Variants in DAB1 observed in about 807,000 individuals in gnomAD.
The protein encoded by DAB1 is disabled homolog 1.
A neutral mutation model predicts 64.6 loss-of-function variants in DAB1; 15 were observed. That is an observed-to-expected ratio of 0.23 (90% CI 0.16 to 0.36). The LOEUF is 0.36. Among genes scored for constraint, DAB1 ranks in the 10% least tolerant of loss-of-function variants. DAB1 has a pLI of 1.00. For synonymous variants in DAB1, 235 were observed against 251.9 expected (o/e 0.93, Z 0.64); for missense variants, 596 against 706.7 (o/e 0.84, Z 1.78).
intron 7 of DAB1, among the ~76,000 whole-genome samples, chr1:57,549,524 C>G (rs1188732509): frequency 6.6e-6 from 1 of 152,170 alleles, no homozygotes; most frequent in Non-Finnish European, 1.5e-5. Context: ...CAGATGGGCA[C>G]AGCTCCTGGA....
At chr1:57,033,613 G>A (rs1235338311) in intron 9 of DAB1, 1 of 1,568,358 alleles carries the variant, frequency 6.4e-7, no homozygotes, top group Non-Finnish European at 8.7e-7. Context: ...TGAAGTGAAT[G>A]ACACACAAAT....
At chr1:57,484,591 G>T (rs1213231613) in intron 7 of DAB1, among the ~76,000 whole-genome samples, 1 of 152,222 alleles carries the variant, frequency 6.6e-6, no homozygotes, top group East Asian at 1.9e-4. Context: ...ACACCAAAGA[G>T]CTCTGTTTGG....
intron 4 of DAB1, among the ~76,000 whole-genome samples, chr1:58,268,578 A>C (rs577897898): frequency 2.0e-5 from 3 of 152,296 alleles, no homozygotes; most frequent in Admixed American, 2.0e-4. Flanking sequence ...AATAATATAT[A>C]TAAAGCCCCT....
chr1:58,133,239 C>T (rs1361140758), intron 5 of DAB1, among the ~76,000 whole-genome samples: 1 of 152,180 alleles, frequency 6.6e-6, no homozygotes, highest in East Asian at 1.9e-4. Context: ...CTAGTTAACA[C>T]TGTGCTATTT....
chr1:58,434,464 A>ATGAAGT lies in DAB1; in HGVS notation n.257+71590_257+71595dup, dbSNP rs1224728424. Among the ~76,000 whole-genome samples the ATGAAGT allele has an allele frequency of 2.6e-5, 4 of 151,562 alleles. No individual in the cohort carries two copies. The East Asian group carries it at 7.7e-4, about 29-fold the overall frequency. ...TCAGAACAGCAGAGAAGTAGAAAGG[A>ATGAAGT]TGAAGTTGCTTCCTAGAGATGGAGG... On this transcript the variant is annotated intron_variant and non_coding_transcript_variant, in intron 3 of 20. Coordinates refer to the DAB1 transcript ENST00000485760.
rs546872467 is a variant in DAB1 at position 58,116,150 on chromosome 1, C to A, written n.387+34361G>T. ...GAAGTAGAAGTCTGCTGAAAAAATT[C>A]TAAGAAAGCTTTAGCTTTAGCTTTT... On this transcript the variant is annotated intron_variant and non_coding_transcript_variant, in intron 5 of 20. Transcript: ENST00000485760. Among the ~76,000 whole-genome samples, 122 of 152,244 alleles carry A rather than the reference C, an allele frequency of 8.0e-4. 1 individual carries two copies. The highest frequency in any genetic ancestry group is 2.8e-3 in the African/African-American group (118 of 41,538).
chr1:58,137,845 T>A (rs1654034244), intron 5 of DAB1, among the ~76,000 whole-genome samples: 1 of 152,146 alleles, frequency 6.6e-6, no homozygotes, highest in Non-Finnish European at 1.5e-5. Flanking sequence ...AGAGGAACGT[T>A]CCCCAGGGCT....
chr1:57,139,001 A>T (rs926350933), intron 3 of DAB1, among the ~76,000 whole-genome samples: 18 of 152,252 alleles, frequency 1.2e-4, no homozygotes, highest in African/African-American at 3.4e-4. Context: ...CCCTCACTTG[A>T]CTTTTAAATC....
chr1:57,043,608 A>T (rs1025637906), intron 9 of DAB1, among the ~76,000 whole-genome samples: 3 of 152,176 alleles, frequency 2.0e-5, no homozygotes, highest in African/African-American at 7.2e-5. Flanking sequence ...GCACTTTGGG[A>T]GGCTGAGGCG....
chr1:57,271,133 T>A (rs1670963844), intron 2 of DAB1, among the ~76,000 whole-genome samples: 1 of 151,832 alleles, frequency 6.6e-6, no homozygotes, highest in African/African-American at 2.4e-5. Flanking sequence ...CAGGCTGGAG[T>A]GCTAAGTGAA....
intron 1 of DAB1, among the ~76,000 whole-genome samples, chr1:57,827,635 A>G (rs1346800318): frequency 6.6e-6 from 1 of 152,110 alleles, no homozygotes; most frequent in Admixed American, 6.5e-5. Flanking sequence ...TCCTCCTATA[A>G]TGATAATGGG....
chr1:57,156,950 T>C (rs1238514323), intron 2 of DAB1, among the ~76,000 whole-genome samples: 5 of 152,148 alleles, frequency 3.3e-5, no homozygotes, highest in African/African-American at 1.2e-4. Flanking sequence ...GGTCCCAGAA[T>C]GGGAGTCACC....
rs536171730 is a variant in DAB1, at chr1:57,160,372, C to T, written c.68-14943G>A. The stretch of plus-strand genomic sequence containing the variant: ...AGACTCCAGGAGATAAAGACTGGCC[C>T]AAGTTCACAGAGCTAGCAAAGGCAG... On this transcript the variant is annotated intron_variant, in intron 2 of 14. Coordinates refer to ENST00000371236, the MANE Select transcript of DAB1 (RefSeq NM_001365792.1). 3.3e-5 allele frequency among the ~76,000 whole-genome samples: 5 copies of T among 152,160 alleles called. No homozygotes were observed. The South Asian group carries it at 1.0e-3, about 32-fold the overall frequency.
chr1:57,442,976 A>G (rs1003408864), intron 7 of DAB1, among the ~76,000 whole-genome samples: 1 of 152,198 alleles, frequency 6.6e-6, no homozygotes, highest in Admixed American at 6.5e-5. Context: ...TTCTCCCATT[A>G]TCTGCTACAG....
intron 3 of DAB1, among the ~76,000 whole-genome samples, chr1:58,445,803 C>T (rs1003794745): frequency 5.9e-5 from 9 of 152,078 alleles, no homozygotes; most frequent in Admixed American, 4.6e-4. Context: ...ACTTGTTATT[C>T]CCAAAAAACA....
At chr1:57,154,669 A>T (rs919912250) in intron 2 of DAB1, among the ~76,000 whole-genome samples, 9 of 152,184 alleles carry the variant, frequency 5.9e-5, no homozygotes, top group Non-Finnish European at 1.3e-4. Flanking sequence ...AACAGTGTAC[A>T]AGGGTTTCCT....
intron 2 of DAB1, among the ~76,000 whole-genome samples, chr1:57,220,582 G>A (rs1666786436): frequency 6.6e-6 from 1 of 152,196 alleles, no homozygotes; most frequent in Admixed American, 6.5e-5. Flanking sequence ...CCATCAAAAA[G>A]TGGGCAAAGG....
chr1:57,959,186 T>C (rs144306403), intron 5 of DAB1, among the ~76,000 whole-genome samples: 1 of 152,310 alleles, frequency 6.6e-6, no homozygotes, highest in Non-Finnish European at 1.5e-5. Context: ...CCTTAACCTT[T>C]CATTGAGCTT....
intron 5 of DAB1, among the ~76,000 whole-genome samples, chr1:58,042,895 G>A (rs117522742): frequency 1.1e-3 from 165 of 152,298 alleles, no homozygotes; most frequent in East Asian, 6.6e-3. Flanking sequence ...AAAATGAGCC[G>A]TCCATTTACT....
Sources: gnomAD v4.1 joint callset for allele counts (sites outside exome capture counted in the v4.1 genomes callset) on GRCh38, gnomAD v4.1.1 for gene constraint, MANE v1.5 for transcripts, NCBI Gene and HGNC (gene_info 2026-07-23, HGNC 2026-07-21) for gene names.